Variants in PLXNA4 observed in about 807,000 individuals in gnomAD.
The protein encoded by PLXNA4 is plexin-A4.
PLXNA4 carries 44 observed loss-of-function variants against 191.8 expected under a neutral mutation model. The observed-to-expected ratio is 0.23, with a 90% CI of 0.18 to 0.29. The LOEUF (loss-of-function observed/expected upper bound fraction) is 0.29. Among genes scored for constraint, PLXNA4 ranks in the 10% least tolerant of loss-of-function variants. The pLI, the probability that PLXNA4 is intolerant of heterozygous loss-of-function variation, is 1.00. For synonymous variants in PLXNA4, 1,082 were observed against 1,009.5 expected (o/e 1.07, Z -1.36); for missense variants, 1,800 against 2,488.8 (o/e 0.72, Z 5.89).
chr7:132,544,041 A>G (rs1009132064), intron 1 of PLXNA4, among the ~76,000 whole-genome samples: 1 of 152,232 alleles, frequency 6.6e-6, no homozygotes, highest in African/African-American at 2.4e-5. Flanking sequence ...GGACAGAGGG[A>G]GAAAAGTAAA....
intron 4 of PLXNA4, among the ~76,000 whole-genome samples, chr7:132,284,590 A>G (rs1476914790): frequency 6.6e-6 from 1 of 152,140 alleles, no homozygotes; most frequent in Non-Finnish European, 1.5e-5. Context: ...TCTGTCCACT[A>G]GAACACCCAA....
intron 30 of PLXNA4, among the ~76,000 whole-genome samples, chr7:132,134,935 G>A (rs887520368): frequency 1.3e-5 from 2 of 152,164 alleles, no homozygotes; most frequent in Non-Finnish European, 2.9e-5. Context: ...CACATCCTCA[G>A]GTACCTCAGG....
At chr7:132,311,193 T>TGTGTGTGTGTGTGCGCGCGC (rs71178034) in intron 3 of PLXNA4, among the ~76,000 whole-genome samples, 4 of 89,828 alleles carry the variant, frequency 4.5e-5, no homozygotes, top group African/African-American at 7.7e-5. Context: ...TGTGTGTGTG[T>TGTGTGTGTGTGTGCGCGCGC]GCGCGTGTGG....
At chr7:132,351,877 AAAG>A (rs1803503464) in intron 3 of PLXNA4, among the ~76,000 whole-genome samples, 1 of 152,162 alleles carries the variant, frequency 6.6e-6, no homozygotes, top group Non-Finnish European at 1.5e-5. Context: ...CAAAGAAAGA[AAAG>A]AAGAAAAGAG....
At chr7:132,339,812 T>C (rs1427078822) in intron 3 of PLXNA4, among the ~76,000 whole-genome samples, 1 of 152,170 alleles carries the variant, frequency 6.6e-6, no homozygotes, top group African/African-American at 2.4e-5. Context: ...TCAGGACTTA[T>C]TATGATTAGA....
At chr7:132,208,353 T>G (rs1288922269) in intron 10 of PLXNA4, among the ~76,000 whole-genome samples, 1 of 152,224 alleles carries the variant, frequency 6.6e-6, no homozygotes, top group Non-Finnish European at 1.5e-5. Context: ...AAATCACCTC[T>G]CCTACAACTA....
chr7:132,185,488 T>G (rs764231818), intron 15 of PLXNA4, 25 bp from the exon 16 acceptor site: 1 of 1,599,694 alleles, frequency 6.3e-7, no homozygotes, highest in African/African-American at 1.3e-5. Context: ...GACAGAGCAC[T>G]GGGCGCCTGG....
chr7:132,326,838 C>T (rs1802379444), intron 3 of PLXNA4, among the ~76,000 whole-genome samples: 1 of 152,014 alleles, frequency 6.6e-6, no homozygotes, highest in Admixed American at 6.5e-5. Context: ...TGTTTCACTC[C>T]CCACAGTGTC....
intron 3 of PLXNA4, among the ~76,000 whole-genome samples, chr7:132,349,713 C>T (rs1243271815): frequency 6.6e-6 from 1 of 152,114 alleles, no homozygotes; most frequent in Admixed American, 6.5e-5. Flanking sequence ...TCACTCTCCT[C>T]CCCATGATAA....
chr7:132,148,501 C>T (rs941662672), intron 26 of PLXNA4, 42 bp downstream of exon 26: 1 of 1,612,140 alleles, frequency 6.2e-7, no homozygotes, highest in African/African-American at 1.3e-5. Context: ...GGGCAAGGGA[C>T]TTGTAGTTGG....
intron 3 of PLXNA4, among the ~76,000 whole-genome samples, chr7:132,416,565 T>G (rs908397265): frequency 6.6e-6 from 1 of 152,204 alleles, no homozygotes; most frequent in Non-Finnish European, 1.5e-5. Context: ...ATCAGAGTAC[T>G]CAGAGGTGAT....
intron 3 of PLXNA4, among the ~76,000 whole-genome samples, chr7:132,472,970 C>A (rs1293765587): frequency 6.6e-6 from 1 of 152,194 alleles, no homozygotes; most frequent in Non-Finnish European, 1.5e-5. Flanking sequence ...ACAAACAGTA[C>A]TAAACATTAT....
chr7:132,450,914 T>C (rs1332014991), intron 3 of PLXNA4, among the ~76,000 whole-genome samples: 1 of 152,120 alleles, frequency 6.6e-6, no homozygotes, highest in Admixed American at 6.5e-5. Context: ...TGGCTCAAGG[T>C]CCTCTGCAGG....
At chr7:132,582,751 T>C (rs565455252) in intron 2 of PLXNA4, among the ~76,000 whole-genome samples, 1 of 152,230 alleles carries the variant, frequency 6.6e-6, no homozygotes. Flanking sequence ...CAGAGATTTG[T>C]TATGCAGTAG....
At chr7:132,528,965 T>G (rs1359827814) in intron 1 of PLXNA4, among the ~76,000 whole-genome samples, 1 of 152,234 alleles carries the variant, frequency 6.6e-6, no homozygotes, top group East Asian at 1.9e-4. Flanking sequence ...TTTGCTGCCA[T>G]GAAGACTATG....
chr7:132,482,695 C>CT (rs11448338), intron 3 of PLXNA4, among the ~76,000 whole-genome samples: 133,114 of 141,294 alleles, frequency 0.94, 62,807 homozygotes, highest in East Asian at 0.99. Flanking sequence ...CTTCGAGAAA[C>CT]TTTTTTTTTT....
At chr7:132,254,293 G>A (rs2117094690) in intron 4 of PLXNA4, among the ~76,000 whole-genome samples, 1 of 152,258 alleles carries the variant, frequency 6.6e-6, no homozygotes, top group African/African-American at 2.4e-5. Context: ...TTCTAAGAAA[G>A]GAAATTGTCG....
intron 3 of PLXNA4, among the ~76,000 whole-genome samples, chr7:132,353,336 C>T (rs946218189): frequency 1.3e-5 from 2 of 152,052 alleles, no homozygotes; most frequent in African/African-American, 4.8e-5. Flanking sequence ...TTTATTAAAT[C>T]ACATCTGAGG....
intron 3 of PLXNA4, chr7:132,383,796 G>C (rs560741007): frequency 2.0e-6 from 2 of 985,376 alleles, no homozygotes; most frequent in South Asian, 4.7e-5. Context: ...CAAAGGATTT[G>C]ACTATTTTCA....
Sources: allele counts gnomAD v4.1 joint callset (sites outside exome capture counted in the v4.1 genomes callset), GRCh38; gene constraint gnomAD v4.1.1; transcripts MANE v1.5; gene names NCBI Gene and HGNC (gene_info 2026-07-23, HGNC 2026-07-21).